The following STRN variants were observed in gnomAD, a reference collection of about 807,000 sequenced individuals.
STRN encodes the protein protein phosphatase 2 regulatory subunit B'''alpha.
In STRN, 53 loss-of-function variants were observed where a neutral mutation model predicts 96.3. The observed-to-expected ratio is 0.55, with a 90% CI of 0.44 to 0.69. The LOEUF is 0.69. STRN is among the 30% of genes least tolerant of loss of function. The probability of loss-of-function intolerance (pLI) is 0.00; values close to 1 mark genes in which losing one functional copy is unlikely to be tolerated. For missense variants in STRN, 987 were observed against 963.9 expected (o/e 1.02, Z -0.32); for synonymous variants, 428 against 355.9 (o/e 1.20, Z -2.28).
At chr2:36,910,275 T>C (rs562709699) in intron 3 of STRN, among the ~76,000 whole-genome samples, 1 of 148,872 alleles carries the variant, frequency 6.7e-6, no homozygotes, top group South Asian at 2.1e-4. Context: ...GACTTTAAGG[T>C]TGAAGGAAAA....
chr2:36,872,740 G>A (rs1457255144), intron 10 of STRN, among the ~76,000 whole-genome samples: 1 of 152,086 alleles, frequency 6.6e-6, no homozygotes, highest in Non-Finnish European at 1.5e-5. Context: ...CTCTTTGTGG[G>A]GATAGAATAG....
intron 8 of STRN, 58 bp from the exon 9 acceptor site, chr2:36,884,133 T>A: frequency 7.8e-7 from 1 of 1,284,048 alleles, no homozygotes; most frequent in Non-Finnish European, 1.0e-6. Context: ...AATTATCCAA[T>A]TGCATCAAAA....
chr2:36,851,203 G>A (rs1668212795), intron 15 of STRN, 96 bp from the exon 16 acceptor site: 1 of 1,100,666 alleles, frequency 9.1e-7, no homozygotes. Context: ...TGAAAAAGTA[G>A]GCCGGCCGCG....
intron 16 of STRN, 103 bp from the exon 17 acceptor site, chr2:36,849,903 T>A (rs145989487): frequency 6.5e-4 from 701 of 1,084,748 alleles, no homozygotes; most frequent in Admixed American, 9.5e-4. Flanking sequence ...CCTCTCTGTG[T>A]GCTTACTGTA....
intron 1 of STRN, among the ~76,000 whole-genome samples, chr2:36,953,593 A>G (rs1169156891): frequency 6.6e-6 from 1 of 151,986 alleles, no homozygotes; most frequent in Non-Finnish European, 1.5e-5. Flanking sequence ...TAGTAGAGAC[A>G]GGGTTTCACC....
chr2:36,874,717 T>TAAAAAAAA (rs35268065), intron 10 of STRN, among the ~76,000 whole-genome samples: 6 of 86,290 alleles, frequency 7.0e-5, no homozygotes, highest in East Asian at 7.5e-4. Context: ...TGTTTAGAGT[T>TAAAAAAAA]AAAAAAAAAA....
intron 1 of STRN, among the ~76,000 whole-genome samples, chr2:36,954,685 G>A (rs1406145636): frequency 6.6e-6 from 1 of 151,418 alleles, no homozygotes; most frequent in Non-Finnish European, 1.5e-5. Context: ...AAGCTGGAGT[G>A]GAGTGAAATG....
rs758949538 is a variant in STRN, at chr2:36,842,113, T to A, written c.*7343A>T. 1.3e-5 allele frequency: 2 copies of A among 152,252 alleles called. No homozygotes were observed. The highest frequency in any genetic ancestry group is 4.1e-4 in the South Asian group (2 of 4,832). The allele number at this position is 152,252 out of a possible 1,614,324, so 9.4% of individuals were successfully genotyped here. On this transcript the variant is annotated 3_prime_UTR_variant, in exon 18 of 18. Transcript: ENST00000263918. ...GAAGTAGTTGGATGCCAGCATACTT[T>A]AACATTTCGGCACATATACAAACCA...
chr2:36,897,442 TA>T (rs1212413174), intron 6 of STRN, among the ~76,000 whole-genome samples: 3 of 147,688 alleles, frequency 2.0e-5, no homozygotes, highest in Non-Finnish European at 4.4e-5. Flanking sequence ...AAAATATATA[TA>T]TATTTTTTTT....
At chr2:36,928,670 C>T (rs1033828023) in intron 1 of STRN, among the ~76,000 whole-genome samples, 12 of 143,020 alleles carry the variant, frequency 8.4e-5, no homozygotes, top group Admixed American at 4.9e-4. Context: ...AAAGGCAGGG[C>T]GCAGTGGCTC....
chr2:36,935,785 T>C (rs2148246068), intron 1 of STRN, among the ~76,000 whole-genome samples: 1 of 152,276 alleles, frequency 6.6e-6, no homozygotes. Flanking sequence ...AAAAGTTCAA[T>C]CACAGTAAAT....
At chr2:36,883,541 G>A (rs943610540) in intron 9 of STRN, among the ~76,000 whole-genome samples, 1 of 152,120 alleles carries the variant, frequency 6.6e-6, no homozygotes, top group Non-Finnish European at 1.5e-5. Context: ...TAGACTTTTA[G>A]GTGACTTTAT....
At chr2:36,873,102 G>C (rs1182063448) in intron 10 of STRN, among the ~76,000 whole-genome samples, 1 of 152,188 alleles carries the variant, frequency 6.6e-6, no homozygotes, top group Non-Finnish European at 1.5e-5. Flanking sequence ...TGATTTCAAA[G>C]GGTGGCATCC....
intron 7 of STRN, among the ~76,000 whole-genome samples, chr2:36,887,470 C>CA (rs545194297): frequency 2.7e-4 from 40 of 146,324 alleles, no homozygotes; most frequent in African/African-American, 5.3e-4. Context: ...AACTCTGTCT[C>CA]AAAAAAAAAC....
intron 3 of STRN, among the ~76,000 whole-genome samples, chr2:36,912,787 C>T (rs1669996885): frequency 1.3e-5 from 2 of 152,160 alleles, no homozygotes; most frequent in East Asian, 1.9e-4. Flanking sequence ...GCCATCTTCA[C>T]TTGGTTACCT....
At chr2:36,850,145 T>C (rs1162616669) in intron 16 of STRN, among the ~76,000 whole-genome samples, 1 of 152,178 alleles carries the variant, frequency 6.6e-6, no homozygotes, top group African/African-American at 2.4e-5. Context: ...AAATTATGAG[T>C]TGTGGAAACA....
intron 6 of STRN, 42 bp from the exon 7 acceptor site, chr2:36,894,075 C>T (rs747503817): frequency 3.8e-6 from 6 of 1,578,594 alleles, no homozygotes; most frequent in Non-Finnish European, 4.3e-6. Flanking sequence ...GAGATAGTTT[C>T]CCTTTACCAC....
At chr2:36,943,782 C>T (rs908291728) in intron 1 of STRN, among the ~76,000 whole-genome samples, 1 of 150,676 alleles carries the variant, frequency 6.6e-6, no homozygotes, top group Non-Finnish European at 1.5e-5. Flanking sequence ...CCAGCATGGA[C>T]GACAGAACGA....
At chr2:36,904,146 G>C (rs1342209964) in intron 4 of STRN, among the ~76,000 whole-genome samples, 1 of 152,012 alleles carries the variant, frequency 6.6e-6, no homozygotes, top group African/African-American at 2.4e-5. Flanking sequence ...ATTTTAAAAA[G>C]GAAGATGTAT....
Sources: allele counts gnomAD v4.1 joint callset (sites outside exome capture counted in the v4.1 genomes callset), GRCh38; gene constraint gnomAD v4.1.1; transcripts MANE v1.5; gene names NCBI Gene and HGNC (gene_info 2026-07-23, HGNC 2026-07-21).